Variants in DPY19L2 observed in about 807,000 individuals in gnomAD.
DPY19L2 encodes the protein probable C-mannosyltransferase DPY19L2.
Under a neutral mutation model 97.9 loss-of-function variants are expected in DPY19L2, and 34 were observed. The observed-to-expected ratio is 0.35, with a 90% CI of 0.26 to 0.46. The LOEUF (loss-of-function observed/expected upper bound fraction) is 0.46, where lower values mean the gene tolerates loss of function less well. DPY19L2 is among the 20% of genes least tolerant of loss of function. The pLI is 1.00. For missense variants in DPY19L2, 623 were observed against 911.4 expected (o/e 0.68, Z 4.07); for synonymous variants, 230 against 307.9 (o/e 0.75, Z 2.65).
At chr12:63,633,910 G>T (rs955157078) in intron 6 of DPY19L2, among the ~76,000 whole-genome samples, 17 of 152,150 alleles carry the variant, frequency 1.1e-4, no homozygotes, top group African/African-American at 3.6e-4. Context: ...CACATCCTTT[G>T]TAGGGACATG....
intron 5 of DPY19L2, among the ~76,000 whole-genome samples, chr12:63,645,924 C>T (rs1893351355): frequency 6.6e-6 from 1 of 152,064 alleles, no homozygotes; most frequent in African/African-American, 2.4e-5. Context: ...TAAAATCCTT[C>T]ACCAGTGCAC....
At chr12:63,583,343 A>G (rs1207403004) in intron 17 of DPY19L2, among the ~76,000 whole-genome samples, 1 of 152,198 alleles carries the variant, frequency 6.6e-6, no homozygotes, top group East Asian at 1.9e-4. Flanking sequence ...TTTACACCAT[A>G]TAAAATGTTG....
chr12:63,627,057 G>A (rs369889819), intron 6 of DPY19L2, among the ~76,000 whole-genome samples: 72 of 152,246 alleles, frequency 4.7e-4, no homozygotes, highest in Non-Finnish European at 7.2e-4. Context: ...GATTACAGGC[G>A]TGAGCCACTG....
intron 2 of DPY19L2, 109 bp downstream of exon 2, chr12:63,665,726 A>G: frequency 1.1e-6 from 1 of 910,396 alleles, no homozygotes; most frequent in South Asian, 1.6e-5. Context: ...GTGCACATAA[A>G]GATGTTCTAC....
chr12:63,603,191 C>T (rs887610518), intron 12 of DPY19L2, among the ~76,000 whole-genome samples: 12 of 152,026 alleles, frequency 7.9e-5, no homozygotes, highest in African/African-American at 2.9e-4. Flanking sequence ...GAATTAAATC[C>T]TTGACTTAAA....
chr12:63,587,690 A>C (rs569116728), intron 16 of DPY19L2, among the ~76,000 whole-genome samples: 1 of 151,840 alleles, frequency 6.6e-6, no homozygotes, highest in South Asian at 2.1e-4. Flanking sequence ...CTCCTGCCTC[A>C]GCCTCCCGAG....
chr12:63,559,448 A>G lies in DPY19L2; in HGVS notation c.*1064T>C, dbSNP rs1009858440. On this transcript the variant is annotated 3_prime_UTR_variant, in exon 22 of 22. Transcript: ENST00000324472. ...TATAAAGCAGACAAAAAGAATGTTT[A>G]TCTTTGCATTTGGCAAGAGTATCTT... The G allele has an allele frequency of 6.6e-6, 1 of 152,590 alleles. No homozygotes were observed. Among genetic ancestry groups the G allele is most frequent in the Non-Finnish European group, 1.5e-5 (1 of 68,010 alleles). The allele number at this position is 152,590 out of a possible 1,614,324, so 9.5% of individuals were successfully genotyped here.
intron 13 of DPY19L2, among the ~76,000 whole-genome samples, chr12:63,599,194 A>G (rs1293309871): frequency 2.6e-5 from 4 of 152,028 alleles, no homozygotes; most frequent in African/African-American, 9.7e-5. Flanking sequence ...AAAAAAAAAA[A>G]AAAGATTTAG....
At chr12:63,628,292 G>A (rs1889928776) in intron 6 of DPY19L2, among the ~76,000 whole-genome samples, 1 of 152,214 alleles carries the variant, frequency 6.6e-6, no homozygotes, top group African/African-American at 2.4e-5. Context: ...GGAAGCGCAA[G>A]GGGTCAGGGA....
At chr12:63,599,358 G>C (rs935317487) in intron 13 of DPY19L2, among the ~76,000 whole-genome samples, 8 of 151,652 alleles carry the variant, frequency 5.3e-5, no homozygotes, top group African/African-American at 1.9e-4. Flanking sequence ...AAGGAGAATG[G>C]GGAAATCTGT....
In DPY19L2 at chr12:63,559,244, T is replaced by C. The variant is rs1326215582; in HGVS notation, c.*1268A>G. On this transcript the variant is annotated 3_prime_UTR_variant, in exon 22 of 22. Coordinates refer to ENST00000324472, the MANE Select transcript of DPY19L2 (RefSeq NM_173812.5). ...AACTATGAAAGTTGAAAAATAACTT[T>C]ATTGGTTTTGCTGCATATAGCTGCC... is the stretch of plus-strand genomic sequence containing the variant. 1 of 152,206 alleles carries C rather than the reference T, an allele frequency of 6.6e-6. No homozygotes were observed. The highest frequency in any genetic ancestry group is 1.5e-5 in the Non-Finnish European group (1 of 68,022). The allele number at this position is 152,206 out of a possible 1,614,324, so 9.4% of individuals were successfully genotyped here. A position where few individuals can be genotyped will look rare whatever the true frequency, so the allele number is the denominator to read the frequency against.
At chr12:63,613,774 TAAAA>T (rs1887391265) in intron 11 of DPY19L2, among the ~76,000 whole-genome samples, 1 of 151,720 alleles carries the variant, frequency 6.6e-6, no homozygotes. Flanking sequence ...CTTTTAGAAA[TAAAA>T]AAAGAAATAA....
chr12:63,580,674 T>G lies in DPY19L2; in HGVS notation c.1888A>C (p.Ser630Arg), dbSNP rs527465476. The change falls in exon 19 of 22, where the codon AGT becomes CGT. Residue 630 changes from serine (S) to arginine (R), a missense_variant. Transcript: ENST00000324472. ...AATACCTACACACCTGATGTGGTAC[T>G]GTATTTGATCCACTGTAAAAGTTCT... ...QEELLQWIKY[S>R]TTSDAVFAGA... The G allele has an allele frequency of 1.2e-4, 193 of 1,611,748 alleles. 2 individuals are homozygous for G. The South Asian group carries it at 1.6e-3, about 13-fold the overall frequency.
chr12:63,592,567 G>C (rs1455849206), intron 16 of DPY19L2, among the ~76,000 whole-genome samples: 23 of 149,784 alleles, frequency 1.5e-4, no homozygotes, highest in African/African-American at 5.2e-4. Context: ...AAATGGTGCT[G>C]GGAAAACTGG....
At position 63,571,054 on chromosome 12, in the gene DPY19L2, G is replaced by A. The variant is rs544750439; in HGVS notation, c.1901-197C>T. Among the ~76,000 whole-genome samples the A allele has an allele frequency of 2.5e-3, 381 of 151,880 alleles. 3 individuals carry two copies. Among genetic ancestry groups the A allele is most frequent in the African/African-American group, 8.7e-3 (359 of 41,418 alleles). On this transcript the variant is annotated intron_variant, in intron 19 of 21. Transcript: ENST00000324472. ...GCTGACTTTTGTTAAATACTATCTT[G>A]GGGCTAGAAATTGTGCTCCATATTT...
chr12:63,627,413 G>A (rs9668823), intron 6 of DPY19L2, among the ~76,000 whole-genome samples: 42,258 of 151,818 alleles, frequency 0.28, 6,592 homozygotes, highest in African/African-American at 0.42. Context: ...GCAGTGGCGC[G>A]ATCTCGGCTC....
At chr12:63,609,102 A>C (rs1886532249) in intron 11 of DPY19L2, among the ~76,000 whole-genome samples, 1 of 152,154 alleles carries the variant, frequency 6.6e-6, no homozygotes, top group East Asian at 1.9e-4. Flanking sequence ...ACTTATGTGA[A>C]AGAGAAAGAA....
At chr12:63,650,166 A>G (rs1894001510) in intron 4 of DPY19L2, among the ~76,000 whole-genome samples, 1 of 152,092 alleles carries the variant, frequency 6.6e-6, no homozygotes, top group South Asian at 2.1e-4. Context: ...GAAGGAACAT[A>G]CCTCAAAATT....
intron 5 of DPY19L2, among the ~76,000 whole-genome samples, chr12:63,645,300 C>T (rs1165888039): frequency 2.6e-5 from 4 of 152,116 alleles, no homozygotes; most frequent in Admixed American, 1.3e-4. Context: ...TCTGATCGCT[C>T]GTTTCAGTCA....
Sources: gnomAD v4.1 joint callset for allele counts (sites outside exome capture counted in the v4.1 genomes callset) on GRCh38, gnomAD v4.1.1 for gene constraint, MANE v1.5 for transcripts, NCBI Gene and HGNC (gene_info 2026-07-23, HGNC 2026-07-21) for gene names.